Variants in DCC observed in about 807,000 individuals in gnomAD.
The protein encoded by DCC is netrin receptor DCC.
A neutral mutation model predicts 172.5 loss-of-function variants in DCC; 58 were observed. The observed-to-expected ratio is 0.34, with a 90% CI of 0.27 to 0.42. The LOEUF is 0.42. Among genes scored for constraint, DCC ranks in the 10% least tolerant of loss-of-function variants. The pLI is 1.00. For missense variants in DCC, 1,740 were observed against 1,791.0 expected, an observed-to-expected ratio of 0.97 and a Z score of 0.51; for synonymous variants, 709 against 644.5, an observed-to-expected ratio of 1.10 and a Z score of -1.52.
intron 2 of DCC, among the ~76,000 whole-genome samples, chr18:52,807,293 G>A (rs558598633): frequency 6.6e-6 from 1 of 152,270 alleles, no homozygotes; most frequent in Admixed American, 6.5e-5. Flanking sequence ...CTCTAGCACG[G>A]TGAGATGCCC....
chr18:53,034,264 C>A (rs1483254300), intron 5 of DCC, among the ~76,000 whole-genome samples: 1 of 152,024 alleles, frequency 6.6e-6, no homozygotes, highest in East Asian at 1.9e-4. Flanking sequence ...TTCATACATT[C>A]ATGTATGTTC....
intron 13 of DCC, among the ~76,000 whole-genome samples, chr18:53,319,122 T>A (rs1425206239): frequency 6.6e-6 from 1 of 151,908 alleles, no homozygotes; most frequent in Non-Finnish European, 1.5e-5. Context: ...GCACTAAATA[T>A]GGAAAGGAAA....
chr18:52,342,001 C>T (rs995465376), intron 1 of DCC, among the ~76,000 whole-genome samples: 1 of 152,188 alleles, frequency 6.6e-6, no homozygotes, highest in Non-Finnish European at 1.5e-5. Flanking sequence ...GGGAATGGCA[C>T]ATCAATCGCG....
intron 5 of DCC, among the ~76,000 whole-genome samples, chr18:52,993,138 A>C (rs1239376512): frequency 6.6e-6 from 1 of 152,180 alleles, no homozygotes; most frequent in African/African-American, 2.4e-5. Flanking sequence ...GTTAGAAAAT[A>C]TCTCTGACAA....
intron 2 of DCC, among the ~76,000 whole-genome samples, chr18:52,848,971 A>G (rs914506548): frequency 6.6e-6 from 1 of 152,216 alleles, no homozygotes; most frequent in Non-Finnish European, 1.5e-5. Context: ...CATGAAATAA[A>G]ATAATGCCCA....
chr18:53,364,318 T>A (rs1004540814), intron 15 of DCC, among the ~76,000 whole-genome samples: 1 of 152,176 alleles, frequency 6.6e-6, no homozygotes, highest in Non-Finnish European at 1.5e-5. Context: ...ACTTAATATT[T>A]CTATTTTTTT....
intron 1 of DCC, among the ~76,000 whole-genome samples, chr18:52,538,185 C>T (rs2032340148): frequency 1.3e-5 from 2 of 152,178 alleles, no homozygotes; most frequent in Admixed American, 6.5e-5. Context: ...GTCTTGCCTG[C>T]TTACCTCCAA....
intron 2 of DCC, among the ~76,000 whole-genome samples, chr18:52,897,527 A>G (rs2039748531): frequency 6.6e-6 from 1 of 152,248 alleles, no homozygotes; most frequent in Non-Finnish European, 1.5e-5. Flanking sequence ...TATACTTCAC[A>G]GAAATAAAAT....
chr18:52,961,453 C>T (rs1043348077), intron 5 of DCC, among the ~76,000 whole-genome samples: 1 of 152,070 alleles, frequency 6.6e-6, no homozygotes, highest in Non-Finnish European at 1.5e-5. Flanking sequence ...CCTTTCTGTA[C>T]CACAATAATG....
intron 14 of DCC, among the ~76,000 whole-genome samples, chr18:53,322,921 A>G (rs138683473): frequency 1.1e-3 from 170 of 152,148 alleles, no homozygotes; most frequent in African/African-American, 3.9e-3. Context: ...AGGTCCTTGG[A>G]AAAGAAGTAA....
Position 53,179,044 on chromosome 18 carries a change from C to A in DCC, c.1501C>A (p.Arg501=), listed in dbSNP as rs1406742141. The change falls in exon 9 of 29, where the codon CGA becomes AGA. Residue 501 remains arginine (R), a synonymous_variant. Coordinates refer to ENST00000442544, the MANE Select transcript of DCC (RefSeq NM_005215.4). The part of the protein sequence containing the change: ...NLKPEAMYTF[R]VVAYNEWGPG... ...GAAGCCAGAAGCCATGTACACCTTT[C>A]GAGTTGTGGCTTACAATGAATGGGG... is the stretch of plus-strand genomic sequence containing the variant. The A allele has an allele frequency of 6.2e-7, 1 of 1,613,868 alleles. No homozygotes were observed.
chr18:53,454,636 G>C (rs568965425), intron 23 of DCC, among the ~76,000 whole-genome samples: 1 of 152,166 alleles, frequency 6.6e-6, no homozygotes, highest in Admixed American at 6.5e-5. Context: ...AGAACCACTG[G>C]CTGGCTGGGC....
intron 7 of DCC, among the ~76,000 whole-genome samples, chr18:53,096,686 G>T (rs972667061): frequency 6.6e-6 from 1 of 152,018 alleles, no homozygotes; most frequent in African/African-American, 2.4e-5. Flanking sequence ...ATCTTCTTTA[G>T]CTTTATTCTA....
intron 2 of DCC, among the ~76,000 whole-genome samples, chr18:52,863,475 C>T (rs1416927351): frequency 1.3e-5 from 2 of 151,702 alleles, no homozygotes; most frequent in Admixed American, 6.6e-5. Flanking sequence ...AGCAGACCTA[C>T]ATAACTTTTG....
chr18:53,225,813 T>C (rs553423581), intron 12 of DCC, among the ~76,000 whole-genome samples: 1 of 152,328 alleles, frequency 6.6e-6, no homozygotes, highest in South Asian at 2.1e-4. Flanking sequence ...CCATGGTTGA[T>C]TGCTCAGTTG....
intron 1 of DCC, among the ~76,000 whole-genome samples, chr18:52,344,944 G>A (rs551245571): frequency 1.3e-5 from 2 of 152,160 alleles, no homozygotes; most frequent in Non-Finnish European, 2.9e-5. Flanking sequence ...ACTTTGGTGT[G>A]AATTATGATA....
intron 2 of DCC, among the ~76,000 whole-genome samples, chr18:52,785,960 C>T (rs2037649061): frequency 6.6e-6 from 1 of 151,980 alleles, no homozygotes; most frequent in South Asian, 2.1e-4. Flanking sequence ...ATTATCCCTG[C>T]TATAAGGATA....
At chr18:52,417,224 G>A (rs1412366415) in intron 1 of DCC, among the ~76,000 whole-genome samples, 2 of 152,168 alleles carry the variant, frequency 1.3e-5, no homozygotes, top group African/African-American at 4.8e-5. Flanking sequence ...GGCTTGTAGA[G>A]TTTCTGCCGA....
rs900175378 is a variant in DCC at position 52,374,732 on chromosome 18, A to G, written c.91+33854A>G. Among the ~76,000 whole-genome samples, 6 of 152,344 alleles carry G rather than the reference A, an allele frequency of 3.9e-5. No individual in the cohort carries two copies. In the East Asian group the frequency reaches 1.2e-3, roughly 29 times the overall value. ...CCATAATAAATTGTCTTGATTGAAC[A>G]GCCTAAGACTCTACTGGACCCATTA... On this transcript the variant is annotated intron_variant, in intron 1 of 28. Transcript: ENST00000442544.
Sources: gnomAD v4.1 joint callset for allele counts (sites outside exome capture counted in the v4.1 genomes callset) on GRCh38, gnomAD v4.1.1 for gene constraint, MANE v1.5 for transcripts, NCBI Gene and HGNC (gene_info 2026-07-23, HGNC 2026-07-21) for gene names.